BACE2: variants seen among roughly 807,000 people sequenced by gnomAD.
The protein encoded by BACE2 is 56 kDa aspartic-like protease.
In BACE2, 17 loss-of-function variants were observed where a neutral mutation model predicts 46.2. The ratio of observed to expected loss-of-function variants is 0.37; its 90% CI spans 0.25 to 0.55. The LOEUF (loss-of-function observed/expected upper bound fraction) is 0.55. Ranked by LOEUF, BACE2 falls within the 20% of genes least tolerant of loss-of-function variation. The pLI is 0.82. For missense variants in BACE2, 595 were observed against 698.1 expected (o/e 0.85, Z 1.66); for synonymous variants, 277 against 295.9 (o/e 0.94, Z 0.66).
chr21:41,197,614 TCCTA>T (rs1985787033), intron 1 of BACE2, among the ~76,000 whole-genome samples: 2 of 152,044 alleles, frequency 1.3e-5, no homozygotes, highest in African/African-American at 2.4e-5. Context: ...AGACAGAATT[TCCTA>T]CCTATGTAAA....
chr21:41,268,290 A>G (rs945136268), intron 8 of BACE2, among the ~76,000 whole-genome samples: 4 of 152,192 alleles, frequency 2.6e-5, no homozygotes, highest in African/African-American at 9.6e-5. Context: ...TAGGATTGGA[A>G]CCCCAGAAGT....
chr21:41,237,811 G>A, intron 3 of BACE2, 82 bp downstream of exon 3: 1 of 1,152,658 alleles, frequency 8.7e-7, no homozygotes, highest in Non-Finnish European at 1.3e-6. Context: ...TGACACATGA[G>A]TCTTGGGCTG....
intron 1 of BACE2, among the ~76,000 whole-genome samples, chr21:41,170,676 T>C (rs773901357): frequency 4.6e-5 from 7 of 152,200 alleles, no homozygotes; most frequent in Non-Finnish European, 8.8e-5. Context: ...GCTTTCCTGC[T>C]CTATTAATGG....
chr21:41,258,860 A>G (rs746202139), intron 8 of BACE2, among the ~76,000 whole-genome samples: 9 of 152,024 alleles, frequency 5.9e-5, no homozygotes, highest in Non-Finnish European at 8.8e-5. Flanking sequence ...GTAAATGTTT[A>G]CCTTATGTAT....
At chr21:41,217,725 A>G (rs1986516215) in intron 1 of BACE2, among the ~76,000 whole-genome samples, 1 of 152,226 alleles carries the variant, frequency 6.6e-6, no homozygotes, top group Admixed American at 6.5e-5. Context: ...TCTTGTGATA[A>G]TCCTAAGCTG....
In BACE2 at chr21:41,193,234, G is replaced by A. The variant is rs764751455; in HGVS notation, c.312+24659G>A. Among the ~76,000 whole-genome samples, 11 of 152,294 alleles carry A rather than the reference G, an allele frequency of 7.2e-5. No individual in the cohort carries two copies. The South Asian group carries it at 1.5e-3, about 20-fold the overall frequency. ...AAGGTGTATTGCCGGCCTTGCCAGC[G>A]GAAGGCAAATTGCTTCTGGTGGGCC... On this transcript the variant is annotated intron_variant, in intron 1 of 8. Coordinates refer to ENST00000330333, the MANE Select transcript of BACE2 (RefSeq NM_012105.5). The surrounding 1 kb of genome is among the most constrained non-coding windows in gnomAD (Gnocchi z 4.2).
At chr21:41,205,525 A>G (rs1986096825) in intron 1 of BACE2, among the ~76,000 whole-genome samples, 1 of 152,352 alleles carries the variant, frequency 6.6e-6, no homozygotes, top group African/African-American at 2.4e-5. Context: ...TGCGTGATTG[A>G]AAATAACAGA....
intron 3 of BACE2, among the ~76,000 whole-genome samples, chr21:41,238,954 TAAAAAAAAAAAAAA>T (rs34474586): frequency 1.2e-5 from 1 of 85,658 alleles, no homozygotes; most frequent in African/African-American, 4.6e-5. Context: ...AAAGTATAAT[TAAAAAAAAAAAAAA>T]AAAAAAAAAA....
intron 1 of BACE2, among the ~76,000 whole-genome samples, chr21:41,218,340 A>T (rs1349754304): frequency 4.6e-5 from 7 of 152,170 alleles, no homozygotes; most frequent in Non-Finnish European, 1.0e-4. Flanking sequence ...AAAAAATATG[A>T]CCCAAATGCA....
intron 7 of BACE2, among the ~76,000 whole-genome samples, chr21:41,254,504 G>A (rs1383126560): frequency 6.6e-6 from 1 of 152,192 alleles, no homozygotes; most frequent in African/African-American, 2.4e-5. Context: ...ATTACTCACA[G>A]GAAGGTTCGT....
rs936503290 is a variant in BACE2, at chr21:41,193,034, A to G, written c.312+24459A>G. Among the ~76,000 whole-genome samples the G allele has an allele frequency of 3.7e-4, 56 of 152,350 alleles. No individual in the cohort carries two copies. The highest frequency in any genetic ancestry group is 1.2e-3 in the Admixed American group (18 of 15,306). ...TCTCCTGGCACATAAATGTCTCACCAATAAGTCCAGTGTGTTTGCTACTTC... is the reference window on the plus strand; with the variant it reads ...TCTCCTGGCACATAAATGTCTCACCGATAAGTCCAGTGTGTTTGCTACTTC... On this transcript the variant is annotated intron_variant, in intron 1 of 8. Coordinates refer to ENST00000330333, the MANE Select transcript of BACE2 (RefSeq NM_012105.5). This position sits in a 1 kb window ranked among gnomAD's most constrained non-coding sequence, Gnocchi z 4.2.
chr21:41,185,912 A>G (rs1985358253), intron 1 of BACE2, among the ~76,000 whole-genome samples: 1 of 152,216 alleles, frequency 6.6e-6, no homozygotes, highest in Non-Finnish European at 1.5e-5. Context: ...GCCTTAAACA[A>G]TTGCCCAAAT....
intron 1 of BACE2, among the ~76,000 whole-genome samples, chr21:41,210,956 A>C (rs1006240748): frequency 3.3e-5 from 5 of 152,178 alleles, no homozygotes; most frequent in Admixed American, 6.5e-5. Flanking sequence ...CTCCTCCTTC[A>C]AAGTGCCTGT....
chr21:41,248,930 C>T lies in BACE2; in HGVS notation c.985-1822C>T, dbSNP rs866850762. ...CTCTTCTCCCTCCTCCTTGGACTCT[C>T]CCTGTCCCTGTGCCCCTCCTCGTGG... On this transcript the variant is annotated intron_variant, in intron 6 of 8. Coordinates refer to ENST00000330333, the MANE Select transcript of BACE2 (RefSeq NM_012105.5). 6.5e-4 allele frequency among the ~76,000 whole-genome samples: 99 copies of T among 152,360 alleles called. No individual in the cohort carries two copies. The Middle Eastern group carries it at 0.014, about 21-fold the overall frequency.
In BACE2 at chr21:41,193,634, C is replaced by T. The variant is rs893100723; in HGVS notation, c.312+25059C>T. On this transcript the variant is annotated intron_variant, in intron 1 of 8. Transcript: ENST00000330333. The surrounding 1 kb of genome is among the most constrained non-coding windows in gnomAD (Gnocchi z 4.2). ...CCTTTCTCACCATAATAGTCCACAC[C>T]CTACCAGTCAGGGAGCCAGTGTGGG... 3.3e-5 allele frequency among the ~76,000 whole-genome samples: 5 copies of T among 152,184 alleles called. No individual in the cohort carries two copies. The South Asian group carries it at 6.2e-4, about 19-fold the overall frequency.
intron 3 of BACE2, among the ~76,000 whole-genome samples, chr21:41,241,513 C>T (rs545846269): frequency 6.6e-6 from 1 of 152,290 alleles, no homozygotes; most frequent in African/African-American, 2.4e-5. Context: ...TAACCTACTT[C>T]CACGGCTTCT....
intron 1 of BACE2, chr21:41,175,878 A>G (rs1243794658): frequency 1.3e-5 from 2 of 152,158 alleles, no homozygotes; most frequent in African/African-American, 4.8e-5. Context: ...TTCCCACTAC[A>G]TCGTGCTGCC....
chr21:41,245,900 C>A, intron 5 of BACE2, 62 bp from the exon 6 acceptor site: 2 of 1,326,118 alleles, frequency 1.5e-6, no homozygotes, highest in South Asian at 1.3e-5. Context: ...GCGGCTAGAG[C>A]CACGTGGGGC....
intron 1 of BACE2, among the ~76,000 whole-genome samples, chr21:41,188,145 A>T (rs931952025): frequency 3.3e-5 from 5 of 152,190 alleles, no homozygotes; most frequent in African/African-American, 1.2e-4. Flanking sequence ...AGGCAGTGTC[A>T]TTCAGAATGG....
Sources: allele counts gnomAD v4.1 joint callset (sites outside exome capture counted in the v4.1 genomes callset), GRCh38; gene constraint gnomAD v4.1.1; non-coding constraint Gnocchi (gnomAD v3.1); transcripts MANE v1.5; gene names NCBI Gene and HGNC (gene_info 2026-07-23, HGNC 2026-07-21).